CLEC16A: variants seen among roughly 807,000 people sequenced by gnomAD.
CLEC16A encodes the protein protein CLEC16A.
CLEC16A carries 51 observed loss-of-function variants against 109.5 expected under a neutral mutation model. That is an observed-to-expected ratio of 0.47 (90% CI 0.37 to 0.59). The LOEUF (loss-of-function observed/expected upper bound fraction) is 0.59, where lower values mean the gene tolerates loss of function less well. Among genes scored for constraint, CLEC16A ranks in the 20% least tolerant of loss-of-function variants. The pLI is 0.00. For missense variants in CLEC16A, 1,339 were observed against 1,394.0 expected (o/e 0.96, Z 0.63); for synonymous variants, 673 against 564.2 (o/e 1.19, Z -2.73).
chr16:11,128,440 G>A (rs1225070502), intron 22 of CLEC16A, among the ~76,000 whole-genome samples: 6 of 152,236 alleles, frequency 3.9e-5, no homozygotes, highest in Non-Finnish European at 8.8e-5. Flanking sequence ...GGGTCAGCAA[G>A]TGTGAGGCTG....
intron 22 of CLEC16A, among the ~76,000 whole-genome samples, chr16:11,137,553 C>G (rs1205952510): frequency 7.0e-6 from 1 of 142,280 alleles, no homozygotes; most frequent in African/African-American, 2.6e-5. Flanking sequence ...GTCAGGAGTT[C>G]CAGACTAGCT....
Position 10,969,189 on chromosome 16 carries a change from T to C in CLEC16A, c.372T>C (p.Asn124=), listed in dbSNP as rs2042660003. 6.2e-7 allele frequency: 1 copy of C among 1,610,572 alleles called. No homozygotes were observed. The highest frequency in any genetic ancestry group is 1.1e-5 in the South Asian group (1 of 90,856). The change falls in exon 4 of 24, where the codon AAT becomes AAC. Residue 124 remains asparagine, a synonymous_variant. Coordinates refer to ENST00000409790, the MANE Select transcript of CLEC16A (RefSeq NM_015226.3). The part of the protein sequence containing the change: ...LYYLLSNNYV[N]SIIVHKFDFS... ...ATTTGCTCTCAAATAACTACGTAAA[T>C]TCTATCATCGTTCATAAATTTGACT...
At chr16:11,042,845 TGC>T (rs1491123886) in intron 15 of CLEC16A, among the ~76,000 whole-genome samples, 43 of 151,016 alleles carry the variant, frequency 2.8e-4, no homozygotes, top group Non-Finnish European at 5.9e-4. Flanking sequence ...TCTGTGTCTG[TGC>T]ACACACACAC....
intron 3 of CLEC16A, 37 bp from the exon 4 acceptor site, chr16:10,969,124 G>T: frequency 6.4e-7 from 1 of 1,567,398 alleles, no homozygotes; most frequent in South Asian, 1.1e-5. Flanking sequence ...CTTTCCTCCA[G>T]CATGAGTTAA....
At chr16:11,010,873 T>C (rs1243585657) in intron 11 of CLEC16A, among the ~76,000 whole-genome samples, 2 of 152,194 alleles carry the variant, frequency 1.3e-5, no homozygotes, top group African/African-American at 4.8e-5. Flanking sequence ...CAGAACCTCC[T>C]CCTTTTTTTG....
At chr16:11,137,976 C>T (rs184249657) in intron 22 of CLEC16A, among the ~76,000 whole-genome samples, 11 of 152,300 alleles carry the variant, frequency 7.2e-5, no homozygotes, top group African/African-American at 1.9e-4. Flanking sequence ...TGATTTTCCA[C>T]GTGGCCGTTT....
intron 19 of CLEC16A, among the ~76,000 whole-genome samples, chr16:11,119,826 A>T (rs1207287187): frequency 6.6e-6 from 1 of 152,132 alleles, no homozygotes; most frequent in Non-Finnish European, 1.5e-5. Flanking sequence ...TTGAATGTGT[A>T]GCTCGCCTTG....
rs79723394 is a variant in CLEC16A, at chr16:11,022,136, C to T, written c.1436+1811C>T. On this transcript the variant is annotated intron_variant, in intron 12 of 23. Transcript: ENST00000409790. The stretch of plus-strand genomic sequence containing the variant: ...CTGATTCAGTTGCCTTGAGTTAGGC[C>T]GCATGCAGTCCTGGGAACCTCCAGG... Among the ~76,000 whole-genome samples the T allele has an allele frequency of 8.4e-3, 1,279 of 152,118 alleles. 6 individuals are homozygous for T. Among genetic ancestry groups the T allele is most frequent in the Non-Finnish European group, 0.013 (861 of 68,004 alleles).
rs376930549 is a variant in CLEC16A at position 11,003,098 on chromosome 16, A to T, written c.1096A>T (p.Ile366Phe). The change falls in exon 11 of 24, where the codon ATT becomes TTT. Residue 366 changes from isoleucine (I) to phenylalanine (F), a missense_variant. Transcript: ENST00000409790. ...GGCCAAGCCCAGCATTCGGTGCTTCATTAAACCCACCGAGACACTCGAGCG... is the reference window on the plus strand; with the variant it reads ...GGCCAAGCCCAGCATTCGGTGCTTCTTTAAACCCACCGAGACACTCGAGCG... Reference protein sequence around the residue: ...SSAKPSIRCFIKPTETLERSL... With the variant: ...SSAKPSIRCFFKPTETLERSL... 1 of 1,612,428 alleles carries T rather than the reference A, an allele frequency of 6.2e-7. No individual in the cohort carries two copies. The highest frequency in any genetic ancestry group is 1.3e-5 in the African/African-American group (1 of 74,566).
chr16:11,133,146 C>G (rs2053331842), intron 22 of CLEC16A, among the ~76,000 whole-genome samples: 1 of 152,098 alleles, frequency 6.6e-6, no homozygotes, highest in African/African-American at 2.4e-5. Context: ...CGAGACCAGC[C>G]TGGCCGACAT....
intron 23 of CLEC16A, among the ~76,000 whole-genome samples, chr16:11,175,781 T>A (rs1360879214): frequency 6.6e-6 from 1 of 152,252 alleles, no homozygotes; most frequent in African/African-American, 2.4e-5. Context: ...CTCTTTTTGA[T>A]ATATTTGCCT....
rs993829649 is a variant in CLEC16A, at chr16:11,136,557, G to A, written c.2641+10411G>A. 2.6e-5 allele frequency among the ~76,000 whole-genome samples: 4 copies of A among 152,314 alleles called. No individual in the cohort carries two copies. In the East Asian group the frequency reaches 7.7e-4, roughly 29 times the overall value. On this transcript the variant is annotated intron_variant, in intron 22 of 23. Transcript: ENST00000409790. Reference sequence around the variant, plus strand: ...TTTCTACACATTAATCAATTAGCACGAACAAAATTACGAATGCAGTAGTCC... The same window carrying A: ...TTTCTACACATTAATCAATTAGCACAAACAAAATTACGAATGCAGTAGTCC...
chr16:11,178,373 C>T lies in CLEC16A; in HGVS notation c.2845C>T (p.Pro949Ser). The change falls in exon 24 of 24, where the codon CCT (proline) becomes TCT (serine). Residue 949 changes from proline (P) to serine (S), a missense_variant. Transcript: ENST00000409790. The surrounding 1 kb of genome is among the most constrained non-coding windows in gnomAD (Gnocchi z 6.5). ...MSPELPKPHL[P>S]DQLVIVNETE... is the part of the protein sequence containing the mutation. ...TCCAGAACTGCCTAAGCCTCACCTT[C>T]CTGACCAGTTGGTAATCGTCAACGA... 1 of 1,613,718 alleles carries T rather than the reference C, an allele frequency of 6.2e-7. No individual in the cohort carries two copies.
intron 19 of CLEC16A, among the ~76,000 whole-genome samples, chr16:11,097,649 G>C (rs2050682717): frequency 6.6e-6 from 1 of 152,132 alleles, no homozygotes; most frequent in Non-Finnish European, 1.5e-5. Context: ...GTATTTACTG[G>C]TGTTTTTTCA....
At chr16:11,035,450 T>C (rs891628660) in intron 13 of CLEC16A, among the ~76,000 whole-genome samples, 13 of 152,154 alleles carry the variant, frequency 8.5e-5, no homozygotes, top group Admixed American at 2.6e-4. Context: ...CATACATAGC[T>C]TGGGAAGGTG....
At chr16:11,024,046 CCTCA>C (rs2046274726) in intron 12 of CLEC16A, 2 of 152,346 alleles carry the variant, frequency 1.3e-5, no homozygotes, top group African/African-American at 4.8e-5. Context: ...AGGTGAGAGA[CCTCA>C]CTATCGATTC....
In CLEC16A at chr16:10,962,663, G is replaced by C. The variant is rs192221766; in HGVS notation, c.343+75G>C. On this transcript the variant is annotated intron_variant, in intron 3 of 23. Coordinates refer to ENST00000409790, the MANE Select transcript of CLEC16A (RefSeq NM_015226.3). ...GGTGAAGTTGGGCGTGGTTTTCTGTGTCTGCGCTTACTATTCGTCGGCTCA... is the reference window on the plus strand; with the variant it reads ...GGTGAAGTTGGGCGTGGTTTTCTGTCTCTGCGCTTACTATTCGTCGGCTCA... 245 of 1,518,506 alleles carry C rather than the reference G, an allele frequency of 1.6e-4. No individual in the cohort carries two copies. The African/African-American group carries it at 3.0e-3, about 19-fold the overall frequency. 94.1% of individuals were successfully genotyped at this position (1,518,506 alleles called of 1,614,324 possible).
chr16:11,048,364 T>G (rs1356189370), intron 17 of CLEC16A: 1 of 152,296 alleles, frequency 6.6e-6, no homozygotes. Context: ...CAGCTTTCTC[T>G]GCTTTGCGCG....
intron 10 of CLEC16A, among the ~76,000 whole-genome samples, chr16:10,985,947 C>G (rs890527086): frequency 6.7e-6 from 1 of 148,570 alleles, no homozygotes; most frequent in African/African-American, 2.5e-5. Context: ...CTCAACTGAT[C>G]TGCCTGCCTT....
Sources: allele counts gnomAD v4.1 joint callset (sites outside exome capture counted in the v4.1 genomes callset), GRCh38; gene constraint gnomAD v4.1.1; non-coding constraint Gnocchi (gnomAD v3.1); transcripts MANE v1.5; gene names NCBI Gene and HGNC (gene_info 2026-07-23, HGNC 2026-07-21).